The following EVC variants were observed in gnomAD, a reference collection of about 807,000 sequenced individuals.
EVC encodes the protein evC complex member EVC.
Under a neutral mutation model 118.9 loss-of-function variants are expected in EVC, and 116 were observed. That is an observed-to-expected ratio of 0.98 (90% CI 0.84 to 1.14). The LOEUF (loss-of-function observed/expected upper bound fraction) is 1.14. EVC is among the 50% of genes most tolerant of loss of function. EVC has a pLI of 0.00. For missense variants in EVC, 1,401 were observed against 1,246.4 expected (o/e 1.12, Z -1.87); for synonymous variants, 619 against 534.7 (o/e 1.16, Z -2.18).
At chr4:5,733,587 A>G (rs557869057) in intron 5 of EVC, 152 bp downstream of exon 5, 23 of 766,068 alleles carry the variant, frequency 3.0e-5, no homozygotes, top group South Asian at 2.9e-4. Flanking sequence ...GCTGTCAGGC[A>G]TGCAGCCACA....
In EVC at chr4:5,738,731, C is replaced by T. The variant is rs1441316591; in HGVS notation, c.703-2985C>T. Among the ~76,000 whole-genome samples, 1 of 151,858 alleles carries T rather than the reference C, an allele frequency of 6.6e-6. No individual in the cohort carries two copies. On this transcript the variant is annotated intron_variant, in intron 5 of 20. Coordinates refer to ENST00000264956, the MANE Select transcript of EVC (RefSeq NM_153717.3). The surrounding 1 kb of genome is among the most constrained non-coding windows in gnomAD (Gnocchi z 6.5). ...ACAGGCGCGCACCACCTCGCCCAGA[C>T]AATTTTTGCATTTTTAGTAGAGACG...
At position 5,737,657 on chromosome 4, in the gene EVC, A is replaced by G. The variant is rs191349220; in HGVS notation, c.703-4059A>G. 1.3e-3 allele frequency among the ~76,000 whole-genome samples: 203 copies of G among 152,354 alleles called. 1 individual carries two copies. The highest frequency in any genetic ancestry group is 4.1e-3 in the African/African-American group (170 of 41,582). On this transcript the variant is annotated intron_variant, in intron 5 of 20. Coordinates refer to ENST00000264956, the MANE Select transcript of EVC (RefSeq NM_153717.3). This position sits in a 1 kb window ranked among gnomAD's most constrained non-coding sequence, Gnocchi z 5.0. ...CTGCCTGTGCTCTATAAGTGGAACA[A>G]CAAAGCCTGGATCACAACACAGCTG...
At chr4:5,824,493 T>C in the EVC span, 1 of 985,184 alleles carries the variant, frequency 1.0e-6, no homozygotes, top group Admixed American at 6.1e-5. Context: ...CCTCTCTCTC[T>C]CTCTCTCTTT....
chr4:5,810,308 A>G, intron 19 of EVC, 31 bp from the exon 20 acceptor site: 1 of 1,565,426 alleles, frequency 6.4e-7, no homozygotes, highest in Non-Finnish European at 8.8e-7. Context: ...AAAGTCACAG[A>G]GCCATGCCTG....
the EVC span, chr4:5,820,956 A>C: frequency 6.6e-6 from 1 of 152,354 alleles, no homozygotes. Flanking sequence ...GACTCAGGCC[A>C]CGCAGGGGCA....
intron 12 of EVC, among the ~76,000 whole-genome samples, chr4:5,787,844 G>C (rs140088944): frequency 0.01 from 1,545 of 152,188 alleles, 9 homozygotes; most frequent in Non-Finnish European, 0.017. Context: ...ACCCCACTCC[G>C]GGTGGTTTTC....
At chr4:5,801,853 T>C (rs750477762) in intron 15 of EVC, 97 bp from the exon 16 acceptor site, 528 of 1,415,298 alleles carry the variant, frequency 3.7e-4, no homozygotes, top group Non-Finnish European at 4.9e-4. Context: ...AGGTGGAAGA[T>C]CTGAACCAGG....
In EVC at chr4:5,744,891, A is replaced by G. The variant is rs28600172; in HGVS notation, c.802-313A>G. On this transcript the variant is annotated intron_variant, in intron 6 of 20. Coordinates refer to ENST00000264956, the MANE Select transcript of EVC (RefSeq NM_153717.3). ...GCAAAGAAACATTCCTTCCCAACCC[A>G]CTGGATGTCATGATATTTTCCAGGA... 0.067 allele frequency among the ~76,000 whole-genome samples: 10,238 copies of G among 151,746 alleles called. 498 individuals carry two copies. Among genetic ancestry groups the G allele is most frequent in the South Asian group, 0.14 (654 of 4,782 alleles).
intron 15 of EVC, among the ~76,000 whole-genome samples, chr4:5,800,969 G>T (rs1291699873): frequency 6.6e-6 from 1 of 152,166 alleles, no homozygotes; most frequent in Non-Finnish European, 1.5e-5. Flanking sequence ...GCCGAAATGG[G>T]GATGAGCTTT....
chr4:5,770,022 G>A (rs907166209), intron 11 of EVC, among the ~76,000 whole-genome samples: 2 of 152,082 alleles, frequency 1.3e-5, no homozygotes, highest in Non-Finnish European at 2.9e-5. Flanking sequence ...GATAATGGAA[G>A]GCTACAGACT....
chr4:5,751,449 C>T (rs1348042039), intron 8 of EVC, among the ~76,000 whole-genome samples: 3 of 152,260 alleles, frequency 2.0e-5, no homozygotes, highest in Non-Finnish European at 4.4e-5. Flanking sequence ...CCGCCCTTCC[C>T]GCGGCCCACC....
rs775144960 is a variant in EVC, at chr4:5,804,734, G to C, written c.2454G>C (p.Glu818Asp). ...GTCCTGTGTTAAATGGTCTAGGTGA[G>C]AGGATGGAAAATTACAAACTGCGGA... ...KLQHLKTLQG[E>D]RMENYKLRKK... The change falls in exon 17 of 21, where the codon GAG becomes GAC. Residue 818 changes from glutamate (E) to aspartate (D), a missense_variant. Coordinates refer to ENST00000264956, the MANE Select transcript of EVC (RefSeq NM_153717.3). 3.1e-6 allele frequency: 5 copies of C among 1,614,122 alleles called. No individual in the cohort carries two copies. The South Asian group carries it at 5.5e-5, about 18-fold the overall frequency.
At chr4:5,712,952 A>G (rs1723282798) in intron 1 of EVC, among the ~76,000 whole-genome samples, 1 of 152,230 alleles carries the variant, frequency 6.6e-6, no homozygotes, top group Non-Finnish European at 1.5e-5. Context: ...GAGGCAGGGG[A>G]TGCTCTGCAA....
At chr4:5,785,957 C>T (rs1045659948) in intron 12 of EVC, among the ~76,000 whole-genome samples, 3 of 152,162 alleles carry the variant, frequency 2.0e-5, no homozygotes, top group African/African-American at 7.2e-5. Flanking sequence ...TAATGGGCCT[C>T]TGAAGTGGAC....
the EVC span, chr4:5,825,372 C>T: frequency 2.8e-6 from 4 of 1,454,438 alleles, no homozygotes; most frequent in South Asian, 6.4e-5. This position sits in a 1 kb window ranked among gnomAD's most constrained non-coding sequence, Gnocchi z 4.4. Flanking sequence ...GTGGGGCACA[C>T]TCCCTTCCCT....
chr4:5,753,667 C>A, intron 9 of EVC, 118 bp from the exon 10 acceptor site: 1 of 1,338,498 alleles, frequency 7.5e-7, no homozygotes, highest in Non-Finnish European at 1.1e-6. Context: ...AGGGCGGGCA[C>A]CATCTCTGCA....
rs1169119083 is a variant in EVC, at chr4:5,749,365, C to A, written c.1098+1059C>A. Among the ~76,000 whole-genome samples the A allele has an allele frequency of 2.0e-5, 3 of 149,556 alleles. No homozygotes were observed. Among genetic ancestry groups the A allele is most frequent in the Admixed American group, 6.6e-5 (1 of 15,104 alleles). ...GGAAAAAAAAAAAAAAAAAAAGGTC[C>A]CTCCTTATTTTTGTGAAGCCTGCCA... On this transcript the variant is annotated intron_variant, in intron 8 of 20. Coordinates refer to ENST00000264956, the MANE Select transcript of EVC (RefSeq NM_153717.3). This position sits in a 1 kb window ranked among gnomAD's most constrained non-coding sequence, Gnocchi z 4.4.
In EVC at chr4:5,748,170, T is replaced by C. The variant is rs780972401; in HGVS notation, c.962T>C (p.Met321Thr). ...IDNMEAFWKQ[M>T]ANIQHFLVDQ... ...CAGATGGAAGCTTTCTGGAAACAGA[T>C]GGCAAATATCCAGCACTTTCTTGTG... Residue 321 changes from methionine (M) to threonine (T), a missense_variant, in exon 8 of 21, where the codon ATG becomes ACG. Coordinates refer to ENST00000264956, the MANE Select transcript of EVC (RefSeq NM_153717.3). 6.2e-7 allele frequency: 1 copy of C among 1,614,216 alleles called. No individual in the cohort carries two copies. The highest frequency in any genetic ancestry group is 1.7e-5 in the Admixed American group (1 of 60,030).
chr4:5,800,657 GAGCTCCCGACAGGA>G (rs1714805875), intron 15 of EVC, among the ~76,000 whole-genome samples: 1 of 152,194 alleles, frequency 6.6e-6, no homozygotes, highest in African/African-American at 2.4e-5. Flanking sequence ...AAGAGGATGG[GAGCTCCCGACAGGA>G]AGTGTAAGGC....
Sources: allele counts gnomAD v4.1 joint callset (sites outside exome capture counted in the v4.1 genomes callset), GRCh38; gene constraint gnomAD v4.1.1; non-coding constraint Gnocchi (gnomAD v3.1); transcripts MANE v1.5; gene names NCBI Gene and HGNC (gene_info 2026-07-23, HGNC 2026-07-21).